Variants in SLC2A13 observed in about 807,000 individuals in gnomAD.
SLC2A13 encodes the protein solute carrier family 2 member 13.
SLC2A13 carries 32 observed loss-of-function variants against 64.4 expected under a neutral mutation model. The observed-to-expected ratio is 0.50, with a 90% confidence interval of 0.37 to 0.67. The LOEUF is 0.67. Ranked by LOEUF, SLC2A13 falls within the 30% of genes least tolerant of loss-of-function variation. The pLI, the probability that SLC2A13 is intolerant of heterozygous loss-of-function variation, is 0.00. For missense variants in SLC2A13, 743 were observed against 829.2 expected, an observed-to-expected ratio of 0.90 and a Z score of 1.28; for synonymous variants, 338 against 327.1, an observed-to-expected ratio of 1.03 and a Z score of -0.36.
intron 7 of SLC2A13, among the ~76,000 whole-genome samples, chr12:39,776,451 G>A (rs1393000740): frequency 1.3e-5 from 2 of 152,172 alleles, no homozygotes; most frequent in Admixed American, 1.3e-4. Context: ...CTTGGCAAGG[G>A]GTGGGTGCTG....
chr12:40,068,341 C>T, intron 1 of SLC2A13: 1 of 402,214 alleles, frequency 2.5e-6, no homozygotes. Context: ...TTTCCACATG[C>T]TGTGCCCAGT....
At chr12:39,839,672 C>T (rs1442328064) in intron 6 of SLC2A13, among the ~76,000 whole-genome samples, 5 of 151,950 alleles carry the variant, frequency 3.3e-5, no homozygotes, top group African/African-American at 1.2e-4. Flanking sequence ...TTTCTTTCTC[C>T]TTTGCTTCTG....
At chr12:40,041,360 T>C (rs1341226281) in intron 2 of SLC2A13, among the ~76,000 whole-genome samples, 5 of 152,206 alleles carry the variant, frequency 3.3e-5, no homozygotes, top group Non-Finnish European at 7.3e-5. Flanking sequence ...ACTGGTTCTT[T>C]CAGATGACAG....
intron 3 of SLC2A13, among the ~76,000 whole-genome samples, chr12:40,015,710 A>C (rs1295610815): frequency 6.6e-6 from 1 of 152,096 alleles, no homozygotes; most frequent in African/African-American, 2.4e-5. Context: ...TTCCTTCATC[A>C]GCATGTATAT....
intron 9 of SLC2A13, among the ~76,000 whole-genome samples, chr12:39,760,893 A>G (rs1163159737): frequency 7.3e-6 from 1 of 136,110 alleles, no homozygotes. Context: ...TCCAAGATGG[A>G]CTTTTAAAAT....
At chr12:39,909,410 C>T (rs1325194948) in intron 4 of SLC2A13, among the ~76,000 whole-genome samples, 1 of 151,950 alleles carries the variant, frequency 6.6e-6, no homozygotes, top group Admixed American at 6.6e-5. Flanking sequence ...AAAAAAAAAT[C>T]GCCATTCAAT....
rs200451238 is a variant in SLC2A13, at chr12:40,093,804, AAAG to A, written c.556+11446_556+11448del. Among the ~76,000 whole-genome samples the A allele has an allele frequency of 1.4e-3, 208 of 152,228 alleles. 2 individuals are homozygous for A. Among genetic ancestry groups the A allele is most frequent in the African/African-American group, 4.7e-3 (197 of 41,540 alleles). The stretch of plus-strand genomic sequence containing the variant: ...AGGAAAAGCAGTAGGAAATCAAGTC[AAAG>A]AAGAAGTGGGGATGGGGAAAGATCC... On this transcript the variant is annotated intron_variant, in intron 1 of 9. Coordinates refer to ENST00000280871, the MANE Select transcript of SLC2A13 (RefSeq NM_052885.4).
intron 1 of SLC2A13, among the ~76,000 whole-genome samples, chr12:40,100,855 C>G (rs1220319630): frequency 6.6e-6 from 1 of 150,904 alleles, no homozygotes; most frequent in Non-Finnish European, 1.5e-5. Flanking sequence ...ATCCCAGCTA[C>G]TCAGGAGGCT....
chr12:39,946,789 C>T (rs1946142962), intron 4 of SLC2A13, among the ~76,000 whole-genome samples: 1 of 152,206 alleles, frequency 6.6e-6, no homozygotes, highest in Non-Finnish European at 1.5e-5. Context: ...TGTCCGCCTC[C>T]CAGTTGTGAA....
In SLC2A13 at chr12:40,105,512, G is replaced by A; in HGVS notation, c.297C>T (p.Thr99=). 2 of 1,581,610 alleles carry A rather than the reference G, an allele frequency of 1.3e-6. No homozygotes were observed. The highest frequency in any genetic ancestry group is 1.7e-6 in the Non-Finnish European group (2 of 1,166,080). The change falls in exon 1 of 10, where the codon ACC becomes ACT. Residue 99 remains threonine, a synonymous_variant. Coordinates refer to ENST00000280871, the MANE Select transcript of SLC2A13 (RefSeq NM_052885.4). The surrounding 1 kb of genome is among the most constrained non-coding windows in gnomAD (Gnocchi z 4.2). ...GCAGCATGGCCCCTGACACCACCCCGGTGTCATAGCCAAACAGGAAGCCGC... is the reference window on the plus strand; with the variant it reads ...GCAGCATGGCCCCTGACACCACCCCAGTGTCATAGCCAAACAGGAAGCCGC... ...ALGGFLFGYD[T]GVVSGAMLLL... is the part of the protein sequence containing the mutation.
intron 3 of SLC2A13, among the ~76,000 whole-genome samples, chr12:39,996,766 C>A (rs1237909507): frequency 6.6e-6 from 1 of 152,100 alleles, no homozygotes. Flanking sequence ...AGTCAAAAAT[C>A]GGGGTTTGGC....
chr12:39,816,721 A>G (rs1942352289), intron 7 of SLC2A13, among the ~76,000 whole-genome samples: 1 of 152,018 alleles, frequency 6.6e-6, no homozygotes, highest in Non-Finnish European at 1.5e-5. Context: ...ACAAACAAAT[A>G]AGCCTGTCCT....
chr12:39,896,174 ATATG>A (rs1944834269), intron 4 of SLC2A13, among the ~76,000 whole-genome samples: 1 of 148,580 alleles, frequency 6.7e-6, no homozygotes, highest in Non-Finnish European at 1.5e-5. Context: ...ACATATATGA[ATATG>A]TATATATGTA....
intron 7 of SLC2A13, among the ~76,000 whole-genome samples, chr12:39,811,073 A>T (rs1942143092): frequency 6.6e-6 from 1 of 152,012 alleles, no homozygotes; most frequent in Non-Finnish European, 1.5e-5. Flanking sequence ...TTTTAATACA[A>T]ATTTGATTTT....
In SLC2A13 at chr12:40,096,800, C is replaced by T. The variant is rs1388194362; in HGVS notation, c.556+8453G>A. Among the ~76,000 whole-genome samples, 4 of 152,210 alleles carry T rather than the reference C, an allele frequency of 2.6e-5. No homozygotes were observed. In the East Asian group the frequency reaches 7.7e-4, roughly 29 times the overall value. ...TCTTCTGTCTATAACTACTGTCTTA[C>T]TACTGTTCCCTCAATCTGATTACAA... On this transcript the variant is annotated intron_variant, in intron 1 of 9. Coordinates refer to ENST00000280871, the MANE Select transcript of SLC2A13 (RefSeq NM_052885.4).
chr12:39,884,897 C>G (rs1459267741), intron 4 of SLC2A13, among the ~76,000 whole-genome samples: 1 of 152,124 alleles, frequency 6.6e-6, no homozygotes, highest in East Asian at 1.9e-4. Flanking sequence ...TAAAATCAGC[C>G]AAGGATCATA....
At chr12:40,007,989 C>T (rs1010823975) in intron 3 of SLC2A13, among the ~76,000 whole-genome samples, 1 of 152,140 alleles carries the variant, frequency 6.6e-6, no homozygotes, top group African/African-American at 2.4e-5. Flanking sequence ...GCACTTTCTA[C>T]TTCTGAGGTA....
intron 7 of SLC2A13, among the ~76,000 whole-genome samples, chr12:39,815,079 G>A (rs1407966712): frequency 1.3e-5 from 2 of 151,902 alleles, no homozygotes; most frequent in African/African-American, 2.4e-5. Flanking sequence ...AAGGATTAGA[G>A]AAGTAAAATA....
chr12:39,887,907 A>C (rs1339936999), intron 4 of SLC2A13, among the ~76,000 whole-genome samples: 1 of 152,228 alleles, frequency 6.6e-6, no homozygotes, highest in East Asian at 1.9e-4. Context: ...TGAACAGACC[A>C]GTGATCAATA....
Sources: gnomAD v4.1 joint callset for allele counts (sites outside exome capture counted in the v4.1 genomes callset) on GRCh38, gnomAD v4.1.1 for gene constraint, Gnocchi (gnomAD v3.1) non-coding constraint, MANE v1.5 for transcripts, NCBI Gene and HGNC (gene_info 2026-07-23, HGNC 2026-07-21) for gene names.